The following DCDC2 variants were observed in gnomAD, a reference collection of about 807,000 sequenced individuals.
DCDC2 encodes doublecortin domain containing 2, also known as doublecortin domain-containing protein 2.
DCDC2 carries 40 observed loss-of-function variants against 50.2 expected under a neutral mutation model. The observed-to-expected ratio is 0.80, with a 90% confidence interval of 0.62 to 1.04. The LOEUF is 1.04. DCDC2 is among the 50% of genes least tolerant of loss of function. The pLI, the probability that DCDC2 is intolerant of heterozygous loss-of-function variation, is 0.00. For missense variants in DCDC2, 570 were observed against 581.9 expected, an observed-to-expected ratio of 0.98 and a Z score of 0.21; for synonymous variants, 234 against 210.6, an observed-to-expected ratio of 1.11 and a Z score of -0.96.
At chr6:24,279,461 GC>G (rs1243315924) in intron 6 of DCDC2, among the ~76,000 whole-genome samples, 3 of 152,078 alleles carry the variant, frequency 2.0e-5, no homozygotes, top group Non-Finnish European at 4.4e-5. Context: ...CATGCCTGTA[GC>G]CCCAGCTACT....
intron 7 of DCDC2, among the ~76,000 whole-genome samples, chr6:24,269,415 A>G (rs1259978711): frequency 1.3e-5 from 2 of 152,366 alleles, no homozygotes; most frequent in African/African-American, 4.8e-5. Flanking sequence ...TTGAAAGGGA[A>G]AAGGTAAATT....
At chr6:24,267,733 A>G (rs1452071608) in intron 7 of DCDC2, among the ~76,000 whole-genome samples, 2 of 152,228 alleles carry the variant, frequency 1.3e-5, no homozygotes, top group African/African-American at 2.4e-5. Context: ...ACAAGCCAAG[A>G]GAACAACCTT....
upstream of DCDC2, among the ~76,000 whole-genome samples, chr6:24,358,899 A>AT (rs1561788477): frequency 4.7e-5 from 1 of 21,494 alleles, no homozygotes; most frequent in African/African-American, 2.2e-4. Context: ...TTATATATAT[A>AT]ATATATTATA....
chr6:24,378,553 A>C, the DCDC2 span, among the ~76,000 whole-genome samples: 6 of 151,214 alleles, frequency 4.0e-5, no homozygotes. Flanking sequence ...TTGAAGCTGC[A>C]CTCGGTGGGA....
At chr6:24,367,785 A>T in the DCDC2 span, among the ~76,000 whole-genome samples, 1 of 152,232 alleles carries the variant, frequency 6.6e-6, no homozygotes, top group South Asian at 2.1e-4. Context: ...AACTTATAAG[A>T]AAACAAATGA....
At chr6:24,288,003 C>A (rs1223704192) in intron 6 of DCDC2, among the ~76,000 whole-genome samples, 1 of 152,120 alleles carries the variant, frequency 6.6e-6, no homozygotes, top group Non-Finnish European at 1.5e-5. Context: ...CTTATGTACA[C>A]AAAATTATTT....
At chr6:24,375,625 C>A in the DCDC2 span, among the ~76,000 whole-genome samples, 1 of 152,134 alleles carries the variant, frequency 6.6e-6, no homozygotes, top group African/African-American at 2.4e-5. Flanking sequence ...CTTCCCTCAC[C>A]ACTCCATAGA....
intron 6 of DCDC2, among the ~76,000 whole-genome samples, chr6:24,288,165 T>C (rs1763655709): frequency 6.6e-6 from 1 of 152,194 alleles, no homozygotes; most frequent in South Asian, 2.1e-4. Context: ...GTGGAAGATG[T>C]CAAATCAGTT....
At chr6:24,340,518 A>T (rs1581660804) in intron 2 of DCDC2, among the ~76,000 whole-genome samples, 1 of 152,292 alleles carries the variant, frequency 6.6e-6, no homozygotes, top group Non-Finnish European at 1.5e-5. Context: ...TGTAGTAAAA[A>T]TATTTTTAAT....
the DCDC2 span, among the ~76,000 whole-genome samples, chr6:24,373,529 G>C: frequency 6.6e-6 from 1 of 152,148 alleles, no homozygotes; most frequent in African/African-American, 2.4e-5. Flanking sequence ...AATGCCCACA[G>C]AACTAAATAA....
At chr6:24,289,981 T>C (rs987681957) in intron 5 of DCDC2, among the ~76,000 whole-genome samples, 66 of 53,730 alleles carry the variant, frequency 1.2e-3, no homozygotes, top group Non-Finnish European at 1.9e-3. Flanking sequence ...CTTTTTTTTT[T>C]TTTTTTTTTT....
chr6:24,310,072 G>A (rs1561769494), intron 2 of DCDC2, among the ~76,000 whole-genome samples: 1 of 152,078 alleles, frequency 6.6e-6, no homozygotes, highest in Non-Finnish European at 1.5e-5. Context: ...AGATGTTTTT[G>A]GTCAATGCAA....
At chr6:24,242,737 G>A (rs958363960) in intron 7 of DCDC2, among the ~76,000 whole-genome samples, 8 of 152,116 alleles carry the variant, frequency 5.3e-5, no homozygotes, top group African/African-American at 1.4e-4. Flanking sequence ...CAAGACGGGC[G>A]GATCACTTCA....
intron 4 of DCDC2, among the ~76,000 whole-genome samples, chr6:24,294,905 C>T (rs1235815565): frequency 1.3e-5 from 2 of 152,082 alleles, no homozygotes; most frequent in Non-Finnish European, 2.9e-5. Flanking sequence ...AAATGTGGTA[C>T]CATTTCTAGT....
chr6:24,275,865 A>T (rs894859909), intron 7 of DCDC2, among the ~76,000 whole-genome samples: 14 of 48,632 alleles, frequency 2.9e-4, no homozygotes, highest in African/African-American at 7.9e-4. Flanking sequence ...CCAATAATTC[A>T]ATTTTTTTTT....
At chr6:24,315,904 C>T (rs1759651779) in intron 2 of DCDC2, among the ~76,000 whole-genome samples, 3 of 152,090 alleles carry the variant, frequency 2.0e-5, no homozygotes, top group Admixed American at 2.0e-4. Flanking sequence ...TTATCCAAGT[C>T]AGAGATGGTG....
At chr6:24,207,080 GA>G (rs1190384315) in intron 7 of DCDC2, among the ~76,000 whole-genome samples, 2 of 152,122 alleles carry the variant, frequency 1.3e-5, no homozygotes, top group Non-Finnish European at 2.9e-5. Context: ...ATTAAAGGCA[GA>G]ATATTAATTT....
chr6:24,225,161 A>G (rs559884639), intron 7 of DCDC2, among the ~76,000 whole-genome samples: 1 of 152,276 alleles, frequency 6.6e-6, no homozygotes, highest in Non-Finnish European at 1.5e-5. Context: ...TGCTAGGTCT[A>G]AGTCCCAGAA....
chr6:24,176,862 A>G (rs975102841), intron 9 of DCDC2, among the ~76,000 whole-genome samples: 23 of 152,216 alleles, frequency 1.5e-4, no homozygotes, highest in Non-Finnish European at 3.2e-4. Flanking sequence ...ATCATATGGT[A>G]TGTGTCTTTC....
Sources: allele counts gnomAD v4.1 joint callset (sites outside exome capture counted in the v4.1 genomes callset), GRCh38; gene constraint gnomAD v4.1.1; transcripts MANE v1.5; gene names NCBI Gene and HGNC (gene_info 2026-07-23, HGNC 2026-07-21).